Variants in SLC6A6 observed in about 807,000 individuals in gnomAD.
SLC6A6 encodes the protein sodium- and chloride-dependent taurine transporter.
SLC6A6 carries 16 observed loss-of-function variants against 68.8 expected under a neutral mutation model. The observed-to-expected ratio is 0.23, with a 90% CI of 0.16 to 0.35. The LOEUF is 0.35. SLC6A6 is among the 10% of genes least tolerant of loss of function. SLC6A6 has a pLI of 1.00. For missense variants in SLC6A6, 474 were observed against 802.8 expected (o/e 0.59, Z 4.95); for synonymous variants, 312 against 315.4 (o/e 0.99, Z 0.12).
chr3:14,443,003 T>G (rs191651835), intron 2 of SLC6A6, among the ~76,000 whole-genome samples: 13 of 152,348 alleles, frequency 8.5e-5, no homozygotes, highest in Non-Finnish European at 1.5e-4. Context: ...AAACATCCAT[T>G]CTCTATACTT....
Position 14,450,094 on chromosome 3 carries a change from TA to T in SLC6A6, c.599+2279del, listed in dbSNP as rs986112184. ...CGAGTGCCCTCATAGTGCATAAAAC[TA>T]CCCCTCAGGGCAGTTTCTTTGTGTG... On this transcript the variant is annotated intron_variant, in intron 5 of 14. Coordinates refer to ENST00000622186, the MANE Select transcript of SLC6A6 (RefSeq NM_003043.6). This position sits in a 1 kb window ranked among gnomAD's most constrained non-coding sequence, Gnocchi z 4.1. 6.6e-6 allele frequency among the ~76,000 whole-genome samples: 1 copy of T among 152,142 alleles called. No individual in the cohort carries two copies. Among genetic ancestry groups the T allele is most frequent in the East Asian group, 1.9e-4 (1 of 5,176 alleles).
intron 10 of SLC6A6, among the ~76,000 whole-genome samples, chr3:14,473,053 G>A (rs528800775): frequency 1.3e-5 from 2 of 152,322 alleles, no homozygotes; most frequent in Admixed American, 6.5e-5. Flanking sequence ...TCCACTAGAA[G>A]GTGACTCATG....
At chr3:14,417,732 G>GGA (rs1176442218) in intron 2 of SLC6A6, among the ~76,000 whole-genome samples, 1 of 105,896 alleles carries the variant, frequency 9.4e-6, no homozygotes, top group African/African-American at 3.1e-5. Flanking sequence ...ACTCCGTCTC[G>GGA]AAAAAAAAAA....
At chr3:14,445,346 A>G (rs560180648) in intron 3 of SLC6A6, among the ~76,000 whole-genome samples, 5 of 151,896 alleles carry the variant, frequency 3.3e-5, no homozygotes, top group South Asian at 4.2e-4. Context: ...GTGTGAACCC[A>G]GGAGGCGGAG....
chr3:14,424,587 G>C (rs1046202696), intron 2 of SLC6A6, among the ~76,000 whole-genome samples: 5 of 152,096 alleles, frequency 3.3e-5, no homozygotes, highest in African/African-American at 7.2e-5. Flanking sequence ...TGGCTCAGTG[G>C]CCTCGGATCT....
intron 2 of SLC6A6, among the ~76,000 whole-genome samples, chr3:14,440,163 A>C (rs949838345): frequency 2.0e-5 from 3 of 152,104 alleles, no homozygotes; most frequent in Non-Finnish European, 4.4e-5. Context: ...ACACTCCCAC[A>C]GGGAAGGTAC....
chr3:14,479,373 T>G (rs1197559864), intron 13 of SLC6A6, among the ~76,000 whole-genome samples, 188 bp downstream of exon 13: 1 of 152,036 alleles, frequency 6.6e-6, no homozygotes, highest in Non-Finnish European at 1.5e-5. Context: ...TTTTGAAGGA[T>G]AAGTAGGAAT....
intron 1 of SLC6A6, among the ~76,000 whole-genome samples, chr3:14,410,529 G>A (rs1281949725): frequency 2.0e-5 from 3 of 152,208 alleles, no homozygotes; most frequent in Non-Finnish European, 4.4e-5. Flanking sequence ...AATAGAACGT[G>A]GAAGGTAGGG....
chr3:14,463,659 T>A (rs1700548021), intron 6 of SLC6A6, among the ~76,000 whole-genome samples: 2 of 152,066 alleles, frequency 1.3e-5, no homozygotes, highest in Admixed American at 1.3e-4. Context: ...GGCAGGTTGG[T>A]TTTCTTTTTT....
At position 14,474,851 on chromosome 3, in the gene SLC6A6, G is replaced by A. The variant is rs573973062; in HGVS notation, c.1210-2354G>A. Among the ~76,000 whole-genome samples the A allele has an allele frequency of 1.3e-4, 20 of 152,344 alleles. No individual in the cohort carries two copies. In the East Asian group the frequency reaches 2.3e-3, roughly 18 times the overall value. Reference sequence around the variant, plus strand: ...AGAGGCCTCCCGCTGATGTTATTGCGTCCTGGGCAAGGGAGCAGGGGGTGT... The same window carrying A: ...AGAGGCCTCCCGCTGATGTTATTGCATCCTGGGCAAGGGAGCAGGGGGTGT... On this transcript the variant is annotated intron_variant, in intron 10 of 14. Transcript: ENST00000622186.
intron 1 of SLC6A6, among the ~76,000 whole-genome samples, chr3:14,403,122 GT>G (rs1172117997): frequency 4.8e-5 from 6 of 126,152 alleles, no homozygotes; most frequent in East Asian, 2.4e-4. Context: ...GTGTGTGTGT[GT>G]GGCATATCTG....
chr3:14,434,807 A>G (rs1335682391), intron 2 of SLC6A6, among the ~76,000 whole-genome samples: 1 of 151,944 alleles, frequency 6.6e-6, no homozygotes, highest in African/African-American at 2.4e-5. Flanking sequence ...TCCCCCTGCA[A>G]CTGGCACGGT....
intron 3 of SLC6A6, chr3:14,444,388 G>A (rs1700064228): frequency 4.9e-6 from 1 of 206,148 alleles, no homozygotes; most frequent in South Asian, 7.6e-5. Flanking sequence ...TTTTTTAAAT[G>A]TAGTGACTGC....
rs1426399971 is a variant in SLC6A6 at position 14,488,816 on chromosome 3, C to G, written c.*3809C>G. ...TAATAGGAAGCATTTTTGCATTGTT[C>G]TCTTGTGGGTGTCACTACAGACATG... On this transcript the variant is annotated 3_prime_UTR_variant, in exon 15 of 15. Coordinates refer to ENST00000622186, the MANE Select transcript of SLC6A6 (RefSeq NM_003043.6). 6.6e-6 allele frequency: 1 copy of G among 152,536 alleles called. No homozygotes were observed. Among genetic ancestry groups the G allele is most frequent in the Admixed American group, 6.5e-5 (1 of 15,284 alleles). 9.4% of individuals were successfully genotyped at this position (152,536 alleles called of 1,614,324 possible). A position where few individuals can be genotyped will look rare whatever the true frequency, so the allele number is the denominator to read the frequency against.
At chr3:14,411,974 A>G (rs1317054745) in intron 1 of SLC6A6, among the ~76,000 whole-genome samples, 1 of 152,224 alleles carries the variant, frequency 6.6e-6, no homozygotes, top group Non-Finnish European at 1.5e-5. Context: ...CTGCAACACC[A>G]GGCTTAGAAT....
chr3:14,440,016 A>G (rs1218344899), intron 2 of SLC6A6, among the ~76,000 whole-genome samples: 1 of 152,166 alleles, frequency 6.6e-6, no homozygotes, highest in Non-Finnish European at 1.5e-5. Context: ...CCCCAAGGCC[A>G]GGGGTGGACT....
intron 10 of SLC6A6, among the ~76,000 whole-genome samples, chr3:14,476,522 G>C (rs1700882686): frequency 6.6e-6 from 1 of 152,188 alleles, no homozygotes; most frequent in South Asian, 2.1e-4. Flanking sequence ...AGCACACACA[G>C]CGTGTGTGCG....
chr3:14,432,491 T>C (rs1699748140), intron 2 of SLC6A6, among the ~76,000 whole-genome samples: 1 of 152,206 alleles, frequency 6.6e-6, no homozygotes, highest in African/African-American at 2.4e-5. Flanking sequence ...TACAGCAGCC[T>C]GACTCCAGCC....
intron 6 of SLC6A6, among the ~76,000 whole-genome samples, chr3:14,459,331 G>A (rs1700442677): frequency 6.6e-6 from 1 of 152,176 alleles, no homozygotes; most frequent in Non-Finnish European, 1.5e-5. Context: ...TGTCTCCCTG[G>A]ATAAAGAGCC....
Sources: allele counts gnomAD v4.1 joint callset (sites outside exome capture counted in the v4.1 genomes callset), GRCh38; gene constraint gnomAD v4.1.1; non-coding constraint Gnocchi (gnomAD v3.1); transcripts MANE v1.5; gene names NCBI Gene and HGNC (gene_info 2026-07-23, HGNC 2026-07-21).